Variants in DERL1 observed in about 807,000 individuals in gnomAD.
The protein encoded by DERL1 is derlin 1, also known as derlin-1.
Under a neutral mutation model 41.6 loss-of-function variants are expected in DERL1, and 24 were observed. The ratio of observed to expected loss-of-function variants is 0.58; its 90% confidence interval spans 0.42 to 0.81. The LOEUF (loss-of-function observed/expected upper bound fraction) is 0.81. DERL1 is among the 30% of genes least tolerant of loss of function. The pLI, the probability that DERL1 is intolerant of heterozygous loss-of-function variation, is 0.00. For synonymous variants in DERL1, 124 were observed against 112.5 expected, an observed-to-expected ratio of 1.10 and a Z score of -0.65; for missense variants, 260 against 314.3, an observed-to-expected ratio of 0.83 and a Z score of 1.31.
rs1814684199 is a variant in DERL1, at chr8:123,019,048, G to A, written c.617+147C>T. 57 of 676,714 alleles carry A rather than the reference G, an allele frequency of 8.4e-5. No homozygotes were observed. The South Asian group carries it at 9.2e-4, about 11-fold the overall frequency. 41.9% of individuals were successfully genotyped at this position (676,714 alleles called of 1,614,324 possible). The stretch of plus-strand genomic sequence containing the variant: ...CTTTAATCCCTAACTTCCTGTGACT[G>A]TGTGACTAGGGTAAGTCACTTGTTG... On this transcript the variant is annotated intron_variant, in intron 7 of 7. Coordinates refer to ENST00000259512, the MANE Select transcript of DERL1 (RefSeq NM_024295.6).
rs965803160 is a variant in DERL1, at chr8:123,042,257, G to A, written c.-135C>T. 5.8e-6 allele frequency: 7 copies of A among 1,203,492 alleles called. No homozygotes were observed. Among genetic ancestry groups the A allele is most frequent in the African/African-American group, 4.7e-5 (3 of 63,856 alleles). 74.6% of individuals were successfully genotyped at this position (1,203,492 alleles called of 1,614,324 possible). On this transcript the variant is annotated 5_prime_UTR_variant, in exon 1 of 8. Transcript: ENST00000259512. ...AAGCCGCGATGCAGAAGGCGGAGAC[G>A]GGCGGACGTGGCGCCACCGAATTCG...
intron 2 of DERL1, among the ~76,000 whole-genome samples, chr8:123,027,209 G>A (rs1479681545): frequency 6.8e-6 from 1 of 147,430 alleles, no homozygotes; most frequent in Non-Finnish European, 1.5e-5. Context: ...CATGAGAATT[G>A]CTTGAACTCG....
intron 1 of DERL1, among the ~76,000 whole-genome samples, chr8:123,038,639 A>G (rs1451452417): frequency 6.6e-6 from 1 of 152,186 alleles, no homozygotes; most frequent in Non-Finnish European, 1.5e-5. Flanking sequence ...TACATCGTGT[A>G]GTCACTAGTG....
At chr8:123,023,800 T>C (rs1812620703) in intron 3 of DERL1, 61 bp from the exon 4 acceptor site, 3 of 1,563,070 alleles carry the variant, frequency 1.9e-6, no homozygotes, top group South Asian at 1.2e-5. Context: ...TCAAGACTGA[T>C]GTGGTTATTT....
chr8:123,023,184 A>G (rs1812603561), intron 4 of DERL1, among the ~76,000 whole-genome samples: 1 of 152,266 alleles, frequency 6.6e-6, no homozygotes, highest in South Asian at 2.1e-4. Context: ...AAAAGAGGCC[A>G]GAAATGAGCA....
At chr8:123,022,128 A>G (rs1167395348) in intron 5 of DERL1, among the ~76,000 whole-genome samples, 4 of 152,220 alleles carry the variant, frequency 2.6e-5, no homozygotes, top group African/African-American at 9.6e-5. Context: ...TACATGTGCT[A>G]AGTACTAAAG....
intron 2 of DERL1, among the ~76,000 whole-genome samples, 161 bp from the exon 3 acceptor site, chr8:123,025,211 C>T (rs181706699): frequency 1.2e-4 from 18 of 152,300 alleles, no homozygotes; most frequent in East Asian, 1.9e-4. Flanking sequence ...ATCTAAACAA[C>T]GTCCCCAATA....
At chr8:123,028,711 G>A (rs1812755758) in intron 2 of DERL1, among the ~76,000 whole-genome samples, 1 of 152,194 alleles carries the variant, frequency 6.6e-6, no homozygotes, top group Middle Eastern at 3.4e-3. Flanking sequence ...TTAAATAACT[G>A]ATCATAAATG....
intron 1 of DERL1, 172 bp from the exon 2 acceptor site, chr8:123,030,888 C>G (rs2130484435): frequency 1.7e-6 from 1 of 593,766 alleles, no homozygotes; most frequent in East Asian, 3.1e-5. Flanking sequence ...CAAATACAAT[C>G]ACATCACTTT....
chr8:123,030,688 TA>T lies in DERL1; in HGVS notation c.181del (p.Tyr61IlefsTer50). On this transcript the variant is annotated frameshift_variant, in exon 2 of 8. Transcript: ENST00000259512. LOFTEE classifies it high-confidence loss of function. ...TCCAGTTCCTGGACCCACAGGGAAATAAAAGGTGGCAGTGATTGGCCTCCAA... is the reference window on the plus strand; with the variant it reads ...TCCAGTTCCTGGACCCACAGGGAAATAAAGGTGGCAGTGATTGGCCTCCAA... ...QIWRPITATF[Y>X]FPVGPGTGFL... 6.2e-7 allele frequency: 1 copy of T among 1,612,888 alleles called. No individual in the cohort carries two copies. Among genetic ancestry groups the T allele is most frequent in the South Asian group, 1.1e-5 (1 of 90,682 alleles).
chr8:123,021,481 C>T lies in DERL1; in HGVS notation c.472G>A (p.Val158Ile), dbSNP rs371727228. 2 of 1,613,668 alleles carry T rather than the reference C, an allele frequency of 1.2e-6. No individual in the cohort carries two copies. The highest frequency in any genetic ancestry group is 1.1e-5 in the South Asian group (1 of 91,070). Residue 158 changes from valine to isoleucine, a missense_variant, in exon 6 of 8, where the codon GTT becomes ATT. Coordinates refer to ENST00000259512, the MANE Select transcript of DERL1 (RefSeq NM_024295.6). ...ATGATATAGTTGAATCCAAGGATAA[C>T]CCAGGGTAAATAGCAGGCCTAGGAT... ...TRFKACYLPW[V>I]ILGFNYIIGG...
intron 7 of DERL1, chr8:123,018,502 C>T (rs1814647698): frequency 6.6e-6 from 1 of 152,132 alleles, no homozygotes; most frequent in South Asian, 2.1e-4. Context: ...GGGGCTTCTC[C>T]CACAATTTAC....
chr8:123,034,325 T>C (rs1213559506), intron 1 of DERL1, among the ~76,000 whole-genome samples: 1 of 152,196 alleles, frequency 6.6e-6, no homozygotes, highest in Non-Finnish European at 1.5e-5. Context: ...TAACATTTGG[T>C]TTGATTCATT....
At position 123,013,442 on chromosome 8, in the gene DERL1, C is replaced by A. The variant is rs7160; in HGVS notation, c.*2005G>T. Reference sequence around the variant, plus strand: ...ATACAAAATAAGGATTTTTTTTTTCCATTTGTAAAGAGAATCCACTGTCAT... The same window carrying A: ...ATACAAAATAAGGATTTTTTTTTTCAATTTGTAAAGAGAATCCACTGTCAT... On this transcript the variant is annotated 3_prime_UTR_variant, in exon 8 of 8. Transcript: ENST00000259512. The A allele has an allele frequency of 0.44, 66,603 of 151,562 alleles. 17,049 individuals are homozygous for A. Among genetic ancestry groups the A allele is most frequent in the South Asian group, 0.57 (2,744 of 4,818 alleles). 9.4% of individuals were successfully genotyped at this position (151,562 alleles called of 1,614,324 possible).
intron 1 of DERL1, among the ~76,000 whole-genome samples, chr8:123,038,308 C>T (rs1812972514): frequency 6.6e-6 from 1 of 152,196 alleles, no homozygotes; most frequent in South Asian, 2.1e-4. Context: ...ACAGCAGCCT[C>T]TCAAATGCAG....
intron 3 of DERL1, 65 bp downstream of exon 3, chr8:123,024,921 C>T: frequency 6.5e-7 from 1 of 1,532,036 alleles, no homozygotes; most frequent in Non-Finnish European, 8.9e-7. Context: ...AGAATATGGT[C>T]TATTTCCCCA....
intron 7 of DERL1, chr8:123,017,624 T>TC (rs1814611386): frequency 6.6e-6 from 1 of 152,152 alleles, no homozygotes; most frequent in Non-Finnish European, 1.5e-5. Context: ...CAGAAGGACT[T>TC]CCCCCAACAG....
intron 1 of DERL1, among the ~76,000 whole-genome samples, chr8:123,040,592 G>C (rs1813032395): frequency 6.6e-6 from 1 of 152,186 alleles, no homozygotes; most frequent in Admixed American, 6.5e-5. Context: ...TCTGGACAGA[G>C]GAAAGACAGG....
chr8:123,017,892 T>C (rs1814619356), intron 7 of DERL1: 1 of 152,178 alleles, frequency 6.6e-6, no homozygotes, highest in Non-Finnish European at 1.5e-5. Context: ...GAAACCAGAT[T>C]GGTCATTTGT....
Sources: gnomAD v4.1 joint callset for allele counts (sites outside exome capture counted in the v4.1 genomes callset) on GRCh38, gnomAD v4.1.1 for gene constraint, MANE v1.5 for transcripts, NCBI Gene and HGNC (gene_info 2026-07-23, HGNC 2026-07-21) for gene names.